ART4: variants seen among roughly 807,000 people sequenced by gnomAD.
ART4 encodes ADP-ribosyltransferase 4 (inactive) (Dombrock blood group).
ART4 carries 14 observed loss-of-function variants against 24.2 expected under a neutral mutation model. The observed-to-expected ratio is 0.58, with a 90% confidence interval of 0.38 to 0.90. The LOEUF (loss-of-function observed/expected upper bound fraction) is 0.90, where lower values mean the gene tolerates loss of function less well. Ranked by LOEUF, ART4 falls within the 40% of genes least tolerant of loss-of-function variation. The pLI is 0.00. For synonymous variants in ART4, 145 were observed against 139.9 expected (o/e 1.04, Z -0.26); for missense variants, 356 against 366.6 (o/e 0.97, Z 0.24).
rs761909320 is a variant in ART4 at position 14,830,536 on chromosome 12, A to AATGT, written c.854-1075_854-1074insACAT. Among the ~76,000 whole-genome samples, 236 of 124,200 alleles carry AATGT rather than the reference A, an allele frequency of 1.9e-3. 6 individuals are homozygous for AATGT. Among genetic ancestry groups the AATGT allele is most frequent in the African/African-American group, 6.8e-3 (227 of 33,484 alleles). 81.5% of individuals were successfully genotyped at this position (124,200 alleles called of 152,430 possible). A position where few individuals can be genotyped will look rare whatever the true frequency, so the allele number is the denominator to read the frequency against. On this transcript the variant is annotated intron_variant, in intron 2 of 2. Transcript: ENST00000228936. ...TAGTTTTTTGGAATTTCTATATAGG[A>AATGT]GTGTGTGTGTGTGTGTGTGTGTGTG... is the stretch of plus-strand genomic sequence containing the variant.
rs574273608 is a variant in ART4 at position 14,840,860 on chromosome 12, A to C, written c.438T>G (p.Thr146=). The C allele has an allele frequency of 6.2e-7, 1 of 1,614,192 alleles. No individual in the cohort carries two copies. Among genetic ancestry groups the C allele is most frequent in the African/African-American group, 1.3e-5 (1 of 75,048 alleles). ...GGAATGAACGTTCATACTGCTGTGG[A>C]GTCCTGGCAACAGAGGCCATGGCTC... ...FTRAMASVAR[T]PQQYERSFHF... is the part of the protein sequence containing the mutation. The change falls in exon 2 of 3, where the codon ACT becomes ACG. Residue 146 remains threonine, a synonymous_variant. Transcript: ENST00000228936.
intron 2 of ART4, among the ~76,000 whole-genome samples, chr12:14,832,219 C>T (rs1321741014): frequency 1.3e-5 from 2 of 152,168 alleles, no homozygotes; most frequent in East Asian, 1.9e-4. Flanking sequence ...CCTATGTGAT[C>T]GAATCTACAT....
At chr12:14,837,958 A>C (rs981449443) in intron 2 of ART4, among the ~76,000 whole-genome samples, 66 of 152,232 alleles carry the variant, frequency 4.3e-4, no homozygotes, top group African/African-American at 1.6e-3. Context: ...AAATTCAAAC[A>C]GAGTGGGTCT....
At chr12:14,837,274 A>C (rs1047565105) in intron 2 of ART4, among the ~76,000 whole-genome samples, 3 of 152,174 alleles carry the variant, frequency 2.0e-5, no homozygotes, top group Non-Finnish European at 4.4e-5. Flanking sequence ...CTTACTTTTG[A>C]CTAGGGGTTG....
chr12:14,838,477 C>T (rs542618361), intron 2 of ART4, among the ~76,000 whole-genome samples: 27 of 152,204 alleles, frequency 1.8e-4, no homozygotes, highest in Admixed American at 1.4e-3. Flanking sequence ...AATCCTGGAA[C>T]CTGGCTATGA....
At chr12:14,829,591 A>G in intron 2 of ART4, 129 bp from the exon 3 acceptor site, 2 of 628,486 alleles carry the variant, frequency 3.2e-6, no homozygotes, top group Non-Finnish European at 5.4e-6. Flanking sequence ...TAGCTACTTA[A>G]AACACATTAT....
intron 2 of ART4, among the ~76,000 whole-genome samples, chr12:14,836,862 C>T (rs1053938824): frequency 6.6e-6 from 1 of 152,138 alleles, no homozygotes; most frequent in Non-Finnish European, 1.5e-5. Context: ...CTATCTCTTC[C>T]CTCTTCACTT....
rs1425359483 is a variant in ART4 at position 14,830,683 on chromosome 12, A to G, written c.854-1221T>C. Among the ~76,000 whole-genome samples the G allele has an allele frequency of 1.9e-4, 22 of 114,474 alleles. 1 individual carries two copies. Among genetic ancestry groups the G allele is most frequent in the African/African-American group, 7.1e-4 (21 of 29,544 alleles). 75.1% of individuals were successfully genotyped at this position (114,474 alleles called of 152,430 possible). ...TATATATATATATATATATATATATATATATATATATATATACAGTAATTT... is the reference window on the plus strand; with the variant it reads ...TATATATATATATATATATATATATGTATATATATATATATACAGTAATTT... On this transcript the variant is annotated intron_variant, in intron 2 of 2. Transcript: ENST00000228936.
Position 14,840,593 on chromosome 12 carries a change from A to G in ART4, c.705T>C (p.Pro235=). Residue 235 remains proline, a synonymous_variant, in exon 2 of 3, where the codon CCT becomes CCC. Coordinates refer to ENST00000228936, the MANE Select transcript of ART4 (RefSeq NM_021071.4). ...LFTIFTCLGA[P]VQYFSLKKEV... is the part of the protein sequence containing the mutation. ...CCTTCTTGAGGGAGAAGTACTGTAC[A>G]GGTGCACCCAGGCAGGTGAATATGG... 6.2e-7 allele frequency: 1 copy of G among 1,614,196 alleles called. No individual in the cohort carries two copies. The highest frequency in any genetic ancestry group is 1.1e-5 in the South Asian group (1 of 91,080).
intron 2 of ART4, among the ~76,000 whole-genome samples, chr12:14,835,764 C>G (rs1950426352): frequency 1.3e-5 from 2 of 151,984 alleles, no homozygotes; most frequent in African/African-American, 4.8e-5. Flanking sequence ...TGCCACCACT[C>G]CTGGCTAATT....
intron 1 of ART4, among the ~76,000 whole-genome samples, chr12:14,841,577 C>A (rs1863053147): frequency 6.6e-6 from 1 of 152,154 alleles, no homozygotes; most frequent in Non-Finnish European, 1.5e-5. Context: ...CAAATTAAAT[C>A]CTTGAACTTT....
chr12:14,839,837 A>G (rs1006262917), intron 2 of ART4, among the ~76,000 whole-genome samples: 3 of 152,202 alleles, frequency 2.0e-5, no homozygotes, highest in Non-Finnish European at 4.4e-5. Context: ...GGCTATTATG[A>G]AGCCTTCCTC....
intron 1 of ART4, among the ~76,000 whole-genome samples, chr12:14,841,847 A>T (rs1328591500): frequency 6.6e-6 from 1 of 152,200 alleles, no homozygotes; most frequent in East Asian, 1.9e-4. Flanking sequence ...GATTCTTGTC[A>T]TGGGGAAACA....
At chr12:14,839,586 C>T (rs114661518) in intron 2 of ART4, among the ~76,000 whole-genome samples, 1 of 152,152 alleles carries the variant, frequency 6.6e-6, no homozygotes, top group African/African-American at 2.4e-5. Context: ...CAATGACACA[C>T]TCTCACAATA....
chr12:14,825,797 A>G lies in ART4; in HGVS notation c.*3574T>C, dbSNP rs1445934518. 1 of 152,228 alleles carries G rather than the reference A, an allele frequency of 6.6e-6. No homozygotes were observed. The allele number at this position is 152,228 out of a possible 1,614,324, so 9.4% of individuals were successfully genotyped here. Reference sequence around the variant, plus strand: ...GATTTTTTTTAAAGTAAGAGTAAATAGAGAACTTCAGGATAATCTAATAGG... The same window carrying G: ...GATTTTTTTTAAAGTAAGAGTAAATGGAGAACTTCAGGATAATCTAATAGG... On this transcript the variant is annotated 3_prime_UTR_variant, in exon 3 of 3. Transcript: ENST00000228936.
At chr12:14,840,355 C>G in intron 2 of ART4, 90 bp downstream of exon 2, 2 of 1,132,044 alleles carry the variant, frequency 1.8e-6, no homozygotes, top group Non-Finnish European at 2.5e-6. Context: ...TGTTTTTGAT[C>G]TTTCCCCAAA....
chr12:14,840,354 T>A (rs1248639614), intron 2 of ART4, 91 bp downstream of exon 2: 4 of 1,108,284 alleles, frequency 3.6e-6, no homozygotes, highest in Non-Finnish European at 5.1e-6. Context: ...ATGTTTTTGA[T>A]CTTTCCCCAA....
rs1863083187 is a variant in ART4, at chr12:14,843,226, C to T, written c.-113G>A. On this transcript the variant is annotated 5_prime_UTR_variant, in exon 1 of 3. Transcript: ENST00000228936. The stretch of plus-strand genomic sequence containing the variant: ...GTCTCATCCGTAACCGTTTTTTCCC[C>T]TGTCTATGCTGAGCAACTTCTGTTG... The T allele has an allele frequency of 1.5e-6, 2 of 1,354,398 alleles. No homozygotes were observed. Among genetic ancestry groups the T allele is most frequent in the Non-Finnish European group, 2.0e-6 (2 of 995,872 alleles). 83.9% of individuals were successfully genotyped at this position (1,354,398 alleles called of 1,614,324 possible).
chr12:14,836,986 T>C (rs564528211), intron 2 of ART4, among the ~76,000 whole-genome samples: 175 of 152,254 alleles, frequency 1.1e-3, no homozygotes, highest in African/African-American at 4.1e-3. Context: ...TTTGGGGCCA[T>C]TATGAAATAA....
Sources: allele counts gnomAD v4.1 joint callset (sites outside exome capture counted in the v4.1 genomes callset), GRCh38; gene constraint gnomAD v4.1.1; transcripts MANE v1.5; gene names NCBI Gene and HGNC (gene_info 2026-07-23, HGNC 2026-07-21).